Variants in MACROD2 observed in about 807,000 individuals in gnomAD.
MACROD2 encodes mono-ADP ribosylhydrolase 2, also known as ADP-ribose glycohydrolase MACROD2.
A neutral mutation model predicts 70.4 loss-of-function variants in MACROD2; 36 were observed. The ratio of observed to expected loss-of-function variants is 0.51; its 90% CI spans 0.39 to 0.68. The LOEUF (loss-of-function observed/expected upper bound fraction) is 0.68. Ranked by LOEUF, MACROD2 falls within the 30% of genes least tolerant of loss-of-function variation. The pLI, the probability that MACROD2 is intolerant of heterozygous loss-of-function variation, is 0.00. For synonymous variants in MACROD2, 172 were observed against 178.8 expected (o/e 0.96, Z 0.30); for missense variants, 496 against 538.4 (o/e 0.92, Z 0.78).
intron 5 of MACROD2, among the ~76,000 whole-genome samples, chr20:14,726,776 C>T (rs2071535182): frequency 6.6e-6 from 1 of 152,162 alleles, no homozygotes; most frequent in East Asian, 1.9e-4. Context: ...CAGCTCTGTT[C>T]TCCTCAGATG....
At chr20:14,472,429 A>G (rs1307627357) in intron 3 of MACROD2, among the ~76,000 whole-genome samples, 1 of 152,204 alleles carries the variant, frequency 6.6e-6, no homozygotes. Flanking sequence ...AATGCTTTAT[A>G]TGTACTACTA....
intron 5 of MACROD2, among the ~76,000 whole-genome samples, chr20:15,096,923 T>C (rs1317503977): frequency 1.3e-5 from 2 of 151,508 alleles, no homozygotes; most frequent in Non-Finnish European, 2.9e-5. Flanking sequence ...GCAATTATCT[T>C]ACCTCAGCCT....
chr20:15,474,038 TCA>T (rs1421859963), intron 7 of MACROD2, among the ~76,000 whole-genome samples: 1 of 152,328 alleles, frequency 6.6e-6, no homozygotes, highest in East Asian at 1.9e-4. Flanking sequence ...ATTGCGGACC[TCA>T]GTTTGTTTCT....
chr20:14,092,494 G>T (rs1226995837), intron 3 of MACROD2, among the ~76,000 whole-genome samples: 1 of 152,102 alleles, frequency 6.6e-6, no homozygotes, highest in Non-Finnish European at 1.5e-5. Context: ...TAATATAATG[G>T]CATGTTTTGT....
At chr20:15,320,704 T>C (rs917531265) in intron 6 of MACROD2, among the ~76,000 whole-genome samples, 4 of 152,108 alleles carry the variant, frequency 2.6e-5, no homozygotes, top group Non-Finnish European at 5.9e-5. Context: ...TATTCCTGAG[T>C]AGGGAAACAT....
chr20:15,855,061 C>T (rs962059497), intron 8 of MACROD2, among the ~76,000 whole-genome samples: 18 of 152,210 alleles, frequency 1.2e-4, no homozygotes, highest in African/African-American at 4.1e-4. Flanking sequence ...TGCATCACAC[C>T]AGATCTCTAA....
intron 5 of MACROD2, among the ~76,000 whole-genome samples, chr20:15,108,475 A>G (rs2123214024): frequency 6.6e-6 from 1 of 152,196 alleles, no homozygotes; most frequent in African/African-American, 2.4e-5. Flanking sequence ...GCTACAACTC[A>G]TGGAGTGGCC....
chr20:14,981,845 A>G (rs1434361646), intron 5 of MACROD2, among the ~76,000 whole-genome samples: 1 of 152,048 alleles, frequency 6.6e-6, no homozygotes, highest in Non-Finnish European at 1.5e-5. Context: ...GTAAACTGGT[A>G]CCAGTAGAGT....
intron 4 of MACROD2, among the ~76,000 whole-genome samples, chr20:14,546,315 A>T (rs1182817628): frequency 1.3e-5 from 2 of 152,218 alleles, no homozygotes; most frequent in African/African-American, 4.8e-5. Flanking sequence ...AGCAATATGC[A>T]TGTGGTTGAC....
At chr20:15,356,747 GC>G in intron 6 of MACROD2, among the ~76,000 whole-genome samples, 1 of 152,276 alleles carries the variant, frequency 6.6e-6, no homozygotes, top group Admixed American at 6.5e-5. Flanking sequence ...CTGCACCACT[GC>G]ACTCCAACCT....
chr20:15,249,609 G>GA (rs978467600), intron 6 of MACROD2, among the ~76,000 whole-genome samples: 6 of 152,044 alleles, frequency 3.9e-5, no homozygotes, highest in African/African-American at 1.4e-4. Context: ...TGTAACATTT[G>GA]AAAAAAATGC....
At chr20:15,121,007 G>C (rs1295117318) in intron 5 of MACROD2, among the ~76,000 whole-genome samples, 1 of 152,028 alleles carries the variant, frequency 6.6e-6, no homozygotes, top group Non-Finnish European at 1.5e-5. Flanking sequence ...GTCTTTTTCT[G>C]TCTCCACTTT....
intron 5 of MACROD2, among the ~76,000 whole-genome samples, chr20:14,896,172 G>A (rs996324915): frequency 4.6e-5 from 7 of 152,136 alleles, no homozygotes; most frequent in African/African-American, 1.4e-4. Flanking sequence ...GTGGGCGCCT[G>A]TAATACCAGC....
intron 3 of MACROD2, among the ~76,000 whole-genome samples, chr20:14,130,744 C>T (rs934915581): frequency 1.3e-5 from 2 of 151,984 alleles, no homozygotes; most frequent in African/African-American, 4.8e-5. Context: ...TGGTGCTAAA[C>T]AGAAGATACT....
chr20:15,968,839 A>G (rs1198192243), intron 13 of MACROD2, among the ~76,000 whole-genome samples: 1 of 130,302 alleles, frequency 7.7e-6, no homozygotes, highest in Non-Finnish European at 1.7e-5. Flanking sequence ...ATATATATAT[A>G]CACACATATA....
At chr20:14,049,187 A>C (rs959321010) in intron 2 of MACROD2, among the ~76,000 whole-genome samples, 2 of 150,994 alleles carry the variant, frequency 1.3e-5, no homozygotes, top group African/African-American at 2.4e-5. Flanking sequence ...AAAAAAAAAA[A>C]AACAAAAAAA....
intron 4 of MACROD2, among the ~76,000 whole-genome samples, chr20:14,661,478 A>G (rs1378800401): frequency 2.0e-5 from 3 of 152,050 alleles, no homozygotes; most frequent in African/African-American, 7.2e-5. Context: ...TACTTTGCAA[A>G]TATTTTCTCC....
intron 13 of MACROD2, among the ~76,000 whole-genome samples, chr20:15,971,616 A>G (rs1443483518): frequency 6.6e-6 from 1 of 152,218 alleles, no homozygotes; most frequent in Non-Finnish European, 1.5e-5. Flanking sequence ...TCTAAGTTCA[A>G]GATTCCTCCT....
intron 5 of MACROD2, among the ~76,000 whole-genome samples, chr20:15,155,144 G>T (rs1471440153): frequency 6.6e-6 from 1 of 152,124 alleles, no homozygotes; most frequent in African/African-American, 2.4e-5. Context: ...AATGGTAACT[G>T]TTGCTAGTAT....
Sources: allele counts gnomAD v4.1 joint callset (sites outside exome capture counted in the v4.1 genomes callset), GRCh38; gene constraint gnomAD v4.1.1; transcripts MANE v1.5; gene names NCBI Gene and HGNC (gene_info 2026-07-23, HGNC 2026-07-21).